Variants in FRA10AC1 observed in about 807,000 individuals in gnomAD.
FRA10AC1 encodes protein FRA10AC1.
Under a neutral mutation model 56.5 loss-of-function variants are expected in FRA10AC1, and 43 were observed. The ratio of observed to expected loss-of-function variants is 0.76; its 90% CI spans 0.60 to 0.98. The LOEUF (loss-of-function observed/expected upper bound fraction) is 0.98. FRA10AC1 is among the 50% of genes least tolerant of loss of function. The pLI is 0.00. For missense variants in FRA10AC1, 346 were observed against 351.8 expected, an observed-to-expected ratio of 0.98 and a Z score of 0.13; for synonymous variants, 112 against 110.5, an observed-to-expected ratio of 1.01 and a Z score of -0.09.
intron 5 of FRA10AC1, among the ~76,000 whole-genome samples, chr10:93,693,606 T>C (rs2059173648): frequency 7.0e-6 from 1 of 143,218 alleles, no homozygotes; most frequent in East Asian, 2.0e-4. Context: ...ACCATATATA[T>C]ACACACCATA....
chr10:93,695,081 C>A, intron 4 of FRA10AC1, 144 bp from the exon 5 acceptor site: 1 of 541,982 alleles, frequency 1.8e-6, no homozygotes, highest in Non-Finnish European at 3.2e-6. Context: ...CTTACACATT[C>A]AGAAAATCTA....
In FRA10AC1 at chr10:93,702,519, A is replaced by ACCGCCGCCGCCGCCG. The variant is rs1320310422; in HGVS notation, c.-146_-145insCGGCGGCGGCGGCGG. 130 of 159,638 alleles carry ACCGCCGCCGCCGCCG rather than the reference A, an allele frequency of 8.1e-4. 6 individuals are homozygous for ACCGCCGCCGCCGCCG. Among genetic ancestry groups the ACCGCCGCCGCCGCCG allele is most frequent in the African/African-American group, 3.5e-3 (103 of 29,108 alleles). 9.9% of individuals were successfully genotyped at this position (159,638 alleles called of 1,614,324 possible). Reference sequence around the variant, plus strand: ...CCTGCCGCACAGCCTCGCCACAACCACCACCGCCGCCGCCGCCGCCGCCGC... The same window carrying ACCGCCGCCGCCGCCG: ...CCTGCCGCACAGCCTCGCCACAACCACCGCCGCCGCCGCCGCCACCGCCGCCGCCGCCGCCGCCGC... On this transcript the variant is annotated 5_prime_UTR_variant, in exon 1 of 14. Transcript: ENST00000359204.
chr10:93,692,192 T>C, intron 6 of FRA10AC1, 99 bp from the exon 7 acceptor site: 1 of 830,822 alleles, frequency 1.2e-6, no homozygotes, highest in South Asian at 2.9e-5. Flanking sequence ...TAAATATTAA[T>C]GTTTTAAGAG....
intron 12 of FRA10AC1, chr10:93,674,442 G>A (rs2058811465): frequency 6.6e-6 from 1 of 152,230 alleles, no homozygotes; most frequent in African/African-American, 2.4e-5. Flanking sequence ...GACCACCTGA[G>A]AGGATATCTG....
chr10:93,670,555 A>C (rs1011082470), intron 13 of FRA10AC1, among the ~76,000 whole-genome samples: 3 of 152,112 alleles, frequency 2.0e-5, no homozygotes, highest in Non-Finnish European at 4.4e-5. Flanking sequence ...CATCTGTTAA[A>C]GTGAACTGAT....
intron 13 of FRA10AC1, 27 bp from the exon 14 acceptor site, chr10:93,669,895 G>C (rs764783725): frequency 2.3e-6 from 3 of 1,288,782 alleles, no homozygotes; most frequent in Non-Finnish European, 1.1e-6. Context: ...GCATACTTAA[G>C]ATCAATAGAG....
chr10:93,679,449 T>A (rs981331323), intron 11 of FRA10AC1, among the ~76,000 whole-genome samples: 3 of 152,080 alleles, frequency 2.0e-5, no homozygotes, highest in Non-Finnish European at 4.4e-5. Context: ...CAGGAAAGGA[T>A]CCTTGGAAAT....
At position 93,685,610 on chromosome 10, in the gene FRA10AC1, A is replaced by G. The variant is rs144510852; in HGVS notation, c.512-251T>C. ...TAGATAGACATTTTAGCGACTCCCT[A>G]TTAGGGAATCTTACACTTTGGAAAG... is the stretch of plus-strand genomic sequence containing the variant. On this transcript the variant is annotated intron_variant, in intron 8 of 13. Transcript: ENST00000359204. 1.4e-3 allele frequency: 375 copies of G among 267,444 alleles called. 2 individuals are homozygous for G. Among genetic ancestry groups the G allele is most frequent in the African/African-American group, 7.4e-3 (335 of 45,292 alleles). The allele number at this position is 267,444 out of a possible 1,614,324, so 16.6% of individuals were successfully genotyped here. A position where few individuals can be genotyped will look rare whatever the true frequency, so the allele number is the denominator to read the frequency against.
chr10:93,680,319 T>C (rs756853594), intron 11 of FRA10AC1, among the ~76,000 whole-genome samples: 4 of 152,192 alleles, frequency 2.6e-5, no homozygotes, highest in Non-Finnish European at 5.9e-5. Context: ...GGTTAAAATT[T>C]ACCTTAGAGT....
At chr10:93,697,182 T>C (rs374395772) in intron 4 of FRA10AC1, among the ~76,000 whole-genome samples, 3 of 152,150 alleles carry the variant, frequency 2.0e-5, no homozygotes, top group African/African-American at 7.2e-5. Flanking sequence ...AGAGTACCCA[T>C]ACTTTCACTC....
Position 93,698,128 on chromosome 10 carries a change from A to G in FRA10AC1, c.219+8T>C. The G allele has an allele frequency of 1.3e-6, 2 of 1,490,492 alleles. No homozygotes were observed. Among genetic ancestry groups the G allele is most frequent in the Non-Finnish European group, 1.8e-6 (2 of 1,110,380 alleles). 92.3% of individuals were successfully genotyped at this position (1,490,492 alleles called of 1,614,324 possible). On this transcript the variant is annotated splice_region_variant and intron_variant, in intron 4 of 13. Coordinates refer to ENST00000359204, the MANE Select transcript of FRA10AC1 (RefSeq NM_145246.5). ...AGTTATAAAAATCTGGAAATAAAAA[A>G]AGGATACAGCATCCATAGCTATGAG...
chr10:93,702,608 C>G, upstream of FRA10AC1: 1 of 214,152 alleles, frequency 4.7e-6, no homozygotes, highest in South Asian at 5.6e-5. Context: ...GACACGGCCA[C>G]GTGTTACATC....
intron 5 of FRA10AC1, among the ~76,000 whole-genome samples, chr10:93,694,470 G>C (rs566086742): frequency 7.2e-5 from 11 of 151,976 alleles, no homozygotes; most frequent in Admixed American, 1.3e-4. Flanking sequence ...AATCCCAGCA[G>C]TTTGGGAGGC....
At chr10:93,697,105 C>T (rs567367178) in intron 4 of FRA10AC1, among the ~76,000 whole-genome samples, 1 of 152,142 alleles carries the variant, frequency 6.6e-6, no homozygotes, top group Non-Finnish European at 1.5e-5. Context: ...AATAAATCCT[C>T]ACACACAAAA....
chr10:93,685,135 C>A, intron 9 of FRA10AC1, 111 bp downstream of exon 9: 2 of 617,722 alleles, frequency 3.2e-6, no homozygotes, highest in Admixed American at 3.4e-5. Flanking sequence ...GAAAAAAGAG[C>A]ACTTCCAGAA....
intron 7 of FRA10AC1, 64 bp downstream of exon 7, chr10:93,691,945 T>C: frequency 1.4e-6 from 2 of 1,467,686 alleles, no homozygotes; most frequent in Middle Eastern, 1.8e-4. Flanking sequence ...GGCATGACAG[T>C]ATAATAAAAG....
chr10:93,700,602 C>G (rs1163182595), intron 1 of FRA10AC1, among the ~76,000 whole-genome samples: 1 of 152,180 alleles, frequency 6.6e-6, no homozygotes, highest in African/African-American at 2.4e-5. Context: ...AGTGGCTAAT[C>G]TGCTGTACTT....
intron 5 of FRA10AC1, 139 bp from the exon 6 acceptor site, chr10:93,692,868 C>T: frequency 4.0e-6 from 2 of 497,504 alleles, no homozygotes; most frequent in Non-Finnish European, 6.9e-6. Flanking sequence ...AATTTGTTCA[C>T]ATATTTATAA....
At chr10:93,676,822 A>C (rs1414938902) in intron 11 of FRA10AC1, 131 bp from the exon 12 acceptor site, 1 of 1,305,976 alleles carries the variant, frequency 7.7e-7, no homozygotes, top group Non-Finnish European at 9.9e-7. Flanking sequence ...ACTGTTTTCT[A>C]ATCTTTCATG....
Sources: gnomAD v4.1 joint callset for allele counts (sites outside exome capture counted in the v4.1 genomes callset) on GRCh38, gnomAD v4.1.1 for gene constraint, MANE v1.5 for transcripts, NCBI Gene and HGNC (gene_info 2026-07-23, HGNC 2026-07-21) for gene names.